The following CSMD1 variants were observed in gnomAD, a reference collection of about 807,000 sequenced individuals.
The protein encoded by CSMD1 is CUB and sushi domain-containing protein 1.
CSMD1 carries 213 observed loss-of-function variants against 417.5 expected under a neutral mutation model. That is an observed-to-expected ratio of 0.51 (90% confidence interval 0.46 to 0.57). The LOEUF (loss-of-function observed/expected upper bound fraction) is 0.57, where lower values mean the gene tolerates loss of function less well. Ranked by LOEUF, CSMD1 falls within the 20% of genes least tolerant of loss-of-function variation. CSMD1 has a pLI of 0.00. For synonymous variants in CSMD1, 2,862 were observed against 1,736.8 expected, an observed-to-expected ratio of 1.65 and a Z score of -16.11; for missense variants, 6,923 against 4,529.7, an observed-to-expected ratio of 1.53 and a Z score of -15.17.
At chr8:3,769,393 A>T (rs984713828) in intron 5 of CSMD1, among the ~76,000 whole-genome samples, 14 of 151,262 alleles carry the variant, frequency 9.3e-5, no homozygotes, top group Admixed American at 3.3e-4. Context: ...GTTAAAAAGC[A>T]TTCAATGACA....
At chr8:4,021,619 G>A (rs1796792845) in intron 4 of CSMD1, among the ~76,000 whole-genome samples, 1 of 152,140 alleles carries the variant, frequency 6.6e-6, no homozygotes, top group South Asian at 2.1e-4. Context: ...CTTATCACAT[G>A]TAGCTGCTCT....
chr8:3,441,813 C>A lies in CSMD1; in HGVS notation c.1561+26899G>T, dbSNP rs1302548442. ...ATATTTACTATGCTATACTATCCAT[C>A]ACTGTTTTAGACTATGCTCCTTATA... On this transcript the variant is annotated intron_variant, in intron 12 of 69. Coordinates refer to ENST00000635120, the MANE Select transcript of CSMD1 (RefSeq NM_033225.6). Among the ~76,000 whole-genome samples, 6 of 148,886 alleles carry A rather than the reference C, an allele frequency of 4.0e-5. No homozygotes were observed. The Admixed American group carries it at 4.1e-4, about 10-fold the overall frequency.
intron 4 of CSMD1, among the ~76,000 whole-genome samples, chr8:4,011,307 C>G (rs1217680906): frequency 2.6e-5 from 4 of 152,188 alleles, no homozygotes; most frequent in Admixed American, 2.0e-4. Flanking sequence ...GAATTGCTCT[C>G]TGCATATAAC....
chr8:3,567,426 T>C (rs1799760154), intron 10 of CSMD1, among the ~76,000 whole-genome samples: 1 of 132,898 alleles, frequency 7.5e-6, no homozygotes, highest in Non-Finnish European at 1.6e-5. Context: ...ATAAAAGTTT[T>C]AAAAATAAAA....
intron 2 of CSMD1, among the ~76,000 whole-genome samples, chr8:4,543,726 G>A (rs1797510207): frequency 6.8e-6 from 1 of 146,170 alleles, no homozygotes; most frequent in Admixed American, 7.0e-5. Flanking sequence ...CTTCCAAACG[G>A]GCTGTACCAT....
At chr8:2,942,390 G>T in intron 69 of CSMD1, 82 bp downstream of exon 69, 1 of 1,170,314 alleles carries the variant, frequency 8.5e-7, no homozygotes, top group Non-Finnish European at 1.2e-6. Flanking sequence ...ACATGTGCAT[G>T]TGAGCACGAG....
intron 1 of CSMD1, among the ~76,000 whole-genome samples, chr8:4,871,541 G>C (rs7817170): frequency 0.5 from 76,015 of 151,848 alleles, 19,485 homozygotes; most frequent in Middle Eastern, 0.63. Flanking sequence ...CAACATATTA[G>C]TGTTTTGTTT....
Position 4,072,794 on chromosome 8 carries a change from G to C in CSMD1, c.416-40695C>G, listed in dbSNP as rs930305185. Among the ~76,000 whole-genome samples the C allele has an allele frequency of 3.9e-5, 6 of 152,272 alleles. No homozygotes were observed. In the South Asian group the frequency reaches 6.2e-4, roughly 16 times the overall value. ...GGAGCCTCACAGTCATGGAAATTGAGTATGAAGCTCATAGGTTTCAAGGCA... is the reference window on the plus strand; with the variant it reads ...GGAGCCTCACAGTCATGGAAATTGACTATGAAGCTCATAGGTTTCAAGGCA... On this transcript the variant is annotated intron_variant, in intron 3 of 69. Transcript: ENST00000635120.
At chr8:4,619,358 G>C (rs772538589) in intron 2 of CSMD1, among the ~76,000 whole-genome samples, 17 of 152,142 alleles carry the variant, frequency 1.1e-4, no homozygotes, top group Non-Finnish European at 2.1e-4. Context: ...TCAATATTTA[G>C]CATCAAGACT....
intron 3 of CSMD1, among the ~76,000 whole-genome samples, chr8:4,419,594 T>C (rs369006386): frequency 3.0e-4 from 45 of 152,330 alleles, no homozygotes; most frequent in Admixed American, 1.1e-3. Context: ...ATCAGTATAA[T>C]TGTCCAACCA....
chr8:3,607,184 G>A (rs1801660322), intron 8 of CSMD1, among the ~76,000 whole-genome samples: 1 of 151,998 alleles, frequency 6.6e-6, no homozygotes, highest in African/African-American at 2.4e-5. Flanking sequence ...ACATGAACAA[G>A]CGCACTAGCC....
At chr8:3,736,487 C>G (rs571003747) in intron 6 of CSMD1, among the ~76,000 whole-genome samples, 1 of 152,158 alleles carries the variant, frequency 6.6e-6, no homozygotes, top group Non-Finnish European at 1.5e-5. Flanking sequence ...TGAAGTGATC[C>G]TCCCTCCTCA....
chr8:3,430,603 T>A (rs1228032822), intron 12 of CSMD1, among the ~76,000 whole-genome samples: 2 of 152,132 alleles, frequency 1.3e-5, no homozygotes, highest in East Asian at 1.9e-4. Flanking sequence ...GGTCAGGAGT[T>A]TGAGACCAGC....
chr8:3,203,626 CAG>C (rs969250725), intron 31 of CSMD1, among the ~76,000 whole-genome samples: 5 of 152,246 alleles, frequency 3.3e-5, no homozygotes, highest in East Asian at 3.9e-4. Flanking sequence ...AAAAAACAAA[CAG>C]GGGGATTGGA....
chr8:4,797,353 G>C (rs915984777), intron 1 of CSMD1, among the ~76,000 whole-genome samples: 2 of 152,194 alleles, frequency 1.3e-5, no homozygotes, highest in African/African-American at 4.8e-5. Flanking sequence ...GCAGGAGAAA[G>C]GGAGCATCTG....
intron 3 of CSMD1, among the ~76,000 whole-genome samples, chr8:4,132,506 G>A (rs2680624): frequency 0.96 from 146,878 of 152,248 alleles, 71,071 homozygotes; most frequent in East Asian, 1. Context: ...ATTTTATTAG[G>A]CATTCCCCTG....
chr8:3,399,793 G>A (rs1811928665), intron 15 of CSMD1, among the ~76,000 whole-genome samples: 1 of 152,154 alleles, frequency 6.6e-6, no homozygotes, highest in Non-Finnish European at 1.5e-5. Context: ...TGTGCTAACT[G>A]AATTATCTCA....
chr8:4,379,254 C>A (rs1802947148), intron 3 of CSMD1, among the ~76,000 whole-genome samples: 1 of 152,044 alleles, frequency 6.6e-6, no homozygotes, highest in African/African-American at 2.4e-5. Flanking sequence ...ACATGTGGGA[C>A]TTTTTAAAAA....
chr8:3,607,005 T>A lies in CSMD1; in HGVS notation c.1097+9705A>T, dbSNP rs1024740663. On this transcript the variant is annotated intron_variant, in intron 8 of 69. Coordinates refer to ENST00000635120, the MANE Select transcript of CSMD1 (RefSeq NM_033225.6). ...CATTACAAGCGTGAGCCGCCGTGCC[T>A]GGCCTACCGTGTTACAGTTTTTAAC... Among the ~76,000 whole-genome samples, 4 of 152,206 alleles carry A rather than the reference T, an allele frequency of 2.6e-5. No individual in the cohort carries two copies. In the South Asian group the frequency reaches 8.3e-4, roughly 31 times the overall value.
Sources: allele counts gnomAD v4.1 joint callset (sites outside exome capture counted in the v4.1 genomes callset), GRCh38; gene constraint gnomAD v4.1.1; transcripts MANE v1.5; gene names NCBI Gene and HGNC (gene_info 2026-07-23, HGNC 2026-07-21).